HOOK1: variants seen among roughly 807,000 people sequenced by gnomAD.
HOOK1 encodes the protein hook microtubule tethering protein 1.
Under a neutral mutation model 112.8 loss-of-function variants are expected in HOOK1, and 60 were observed. That is an observed-to-expected ratio of 0.53 (90% CI 0.43 to 0.66). The LOEUF (loss-of-function observed/expected upper bound fraction) is 0.66. HOOK1 is among the 30% of genes least tolerant of loss of function. The pLI is 0.00. For synonymous variants in HOOK1, 294 were observed against 283.8 expected (o/e 1.04, Z -0.36); for missense variants, 770 against 856.0 (o/e 0.90, Z 1.25).
chr1:59,820,774 C>A (rs1042754711), intron 1 of HOOK1, among the ~76,000 whole-genome samples: 5 of 152,184 alleles, frequency 3.3e-5, no homozygotes, highest in Non-Finnish European at 7.3e-5. Context: ...TAACTTTTGA[C>A]TGAAGCTTTA....
Position 59,874,054 on chromosome 1 carries a change from T to C in HOOK1, c.*1089T>C, listed in dbSNP as rs1416261090. The stretch of plus-strand genomic sequence containing the variant: ...AACTTTTGGGGTCATTTTTAAAAGT[T>C]AGCACTTTTGAATTTTAGTTGTGTT... On this transcript the variant is annotated 3_prime_UTR_variant, in exon 22 of 22. Transcript: ENST00000371208. The C allele has an allele frequency of 6.6e-6, 1 of 152,022 alleles. No homozygotes were observed. The highest frequency in any genetic ancestry group is 1.5e-5 in the Non-Finnish European group (1 of 67,962). The allele number at this position is 152,022 out of a possible 1,614,324, so 9.4% of individuals were successfully genotyped here.
chr1:59,825,363 C>T (rs890143385), intron 2 of HOOK1, among the ~76,000 whole-genome samples: 2 of 152,100 alleles, frequency 1.3e-5, no homozygotes, highest in Admixed American at 1.3e-4. Flanking sequence ...TTGTCTTTGA[C>T]TAAACTTTTT....
rs1268682925 is a variant in HOOK1, at chr1:59,828,821, A to C, written c.191A>C (p.Lys64Thr). 1 of 1,613,458 alleles carries C rather than the reference A, an allele frequency of 6.2e-7. No homozygotes were observed. Among genetic ancestry groups the C allele is most frequent in the South Asian group, 1.1e-5 (1 of 90,990 alleles). The part of the protein sequence containing the change: ...WFNESWLSRI[K>T]EDVGDNWRIK... ...AACGAATCTTGGTTAAGCCGAATTA[A>C]AGAGGATGTTGGGGACAACTGGAGA... The change falls in exon 3 of 22, where the codon AAA becomes ACA. Residue 64 changes from lysine to threonine, a missense_variant. Physicochemically the swap from Lys to Thr is moderately conservative, Grantham distance 78. Coordinates refer to ENST00000371208, the MANE Select transcript of HOOK1 (RefSeq NM_015888.6).
At position 59,833,539 on chromosome 1, in the gene HOOK1, T is replaced by C; in HGVS notation, c.406+2T>C. The C allele has an allele frequency of 1.3e-6, 2 of 1,534,212 alleles. No homozygotes were observed. The highest frequency in any genetic ancestry group is 1.8e-6 in the Non-Finnish European group (2 of 1,131,912). ...CGATCAACTGTGAAAAGAAGCAAGG[T>C]AAGTGAATTTCAATCATTTGAGGAT... On this transcript the variant is annotated splice_donor_variant, in intron 5 of 21. Transcript: ENST00000371208. LOFTEE classifies it high-confidence loss of function.
chr1:59,855,891 A>G (rs1411862849), intron 12 of HOOK1, among the ~76,000 whole-genome samples: 1 of 143,260 alleles, frequency 7.0e-6, no homozygotes, highest in Non-Finnish European at 1.5e-5. Context: ...TTCTTGCCTC[A>G]GTCTCCCTAG....
intron 9 of HOOK1, among the ~76,000 whole-genome samples, chr1:59,845,138 G>T: frequency 6.6e-6 from 1 of 151,834 alleles, no homozygotes; most frequent in East Asian, 1.9e-4. Context: ...TCTGTTTGAG[G>T]GATAGCTCTC....
In HOOK1 at chr1:59,875,863, AAGTG is replaced by A. The variant is rs1462471633; in HGVS notation, c.*2902_*2905del. ...AATGACATCTTTTTTAGAAATATTA[AAGTG>A]AGTATTCCTCATTATGTCATCATTT... On this transcript the variant is annotated 3_prime_UTR_variant, in exon 22 of 22. Coordinates refer to ENST00000371208, the MANE Select transcript of HOOK1 (RefSeq NM_015888.6). 3.3e-5 allele frequency: 5 copies of A among 152,276 alleles called. No homozygotes were observed. Among genetic ancestry groups the A allele is most frequent in the Non-Finnish European group, 7.4e-5 (5 of 68,024 alleles). 9.4% of individuals were successfully genotyped at this position (152,276 alleles called of 1,614,324 possible). A position where few individuals can be genotyped will look rare whatever the true frequency, so the allele number is the denominator to read the frequency against.
At chr1:59,867,547 A>C (rs1397793981) in intron 19 of HOOK1, among the ~76,000 whole-genome samples, 1 of 152,182 alleles carries the variant, frequency 6.6e-6, no homozygotes, top group Non-Finnish European at 1.5e-5. Context: ...TACATCATGC[A>C]GATGTCCCTG....
At position 59,864,914 on chromosome 1, in the gene HOOK1, G is replaced by T. The variant is rs138221625; in HGVS notation, c.1661+248G>T. 7 of 566,318 alleles carry T rather than the reference G, an allele frequency of 1.2e-5. No individual in the cohort carries two copies. In the East Asian group the frequency reaches 2.0e-4, roughly 16 times the overall value. The allele number at this position is 566,318 out of a possible 1,614,324, so 35.1% of individuals were successfully genotyped here. On this transcript the variant is annotated intron_variant, in intron 17 of 21. Coordinates refer to ENST00000371208, the MANE Select transcript of HOOK1 (RefSeq NM_015888.6). ...AAAAACAGATTAACTATCACAACTA[G>T]ATTATATGGGATGTTAAACCTATAA...
intron 2 of HOOK1, among the ~76,000 whole-genome samples, chr1:59,825,981 A>G (rs779766203): frequency 8.5e-5 from 13 of 152,160 alleles, no homozygotes; most frequent in Non-Finnish European, 1.6e-4. Flanking sequence ...AATATAGACC[A>G]CAGTTTAATG....
At chr1:59,870,512 A>G (rs1012305553) in intron 20 of HOOK1, among the ~76,000 whole-genome samples, 6 of 152,198 alleles carry the variant, frequency 3.9e-5, no homozygotes, top group Non-Finnish European at 7.3e-5. Flanking sequence ...AAACCAAACT[A>G]TATCTGGTAC....
chr1:59,861,444 T>C (rs1285098662), intron 15 of HOOK1, among the ~76,000 whole-genome samples: 1 of 152,224 alleles, frequency 6.6e-6, no homozygotes, highest in Non-Finnish European at 1.5e-5. Flanking sequence ...TTAGGAAGAC[T>C]GCAGATAATG....
intron 2 of HOOK1, among the ~76,000 whole-genome samples, chr1:59,824,300 C>G (rs993667931): frequency 3.3e-5 from 5 of 151,938 alleles, no homozygotes; most frequent in African/African-American, 1.2e-4. Flanking sequence ...CTCCGCCTAC[C>G]GGGTTCAAGT....
Position 59,862,836 on chromosome 1 carries a change from A to G in HOOK1, c.1585A>G (p.Lys529Glu). Residue 529 changes from lysine to glutamate, a missense_variant, in exon 16 of 22, where the codon AAA becomes GAA. Lys to Glu is a moderately conservative substitution (Grantham distance 56, BLOSUM62 1). Coordinates refer to ENST00000371208, the MANE Select transcript of HOOK1 (RefSeq NM_015888.6). ...GCAGCAGCAGATTGAGGACCTCCAG[A>G]AATCTTTACAGGAACAAGGTTCCAA... ...ELQQQIEDLQ[K>E]SLQEQGSKSE... 1 of 1,612,324 alleles carries G rather than the reference A, an allele frequency of 6.2e-7. No individual in the cohort carries two copies. The highest frequency in any genetic ancestry group is 8.5e-7 in the Non-Finnish European group (1 of 1,178,462).
chr1:59,845,678 T>A (rs1009639311), intron 9 of HOOK1, among the ~76,000 whole-genome samples: 3 of 151,934 alleles, frequency 2.0e-5, no homozygotes, highest in Admixed American at 2.0e-4. Flanking sequence ...TGTAATATAT[T>A]GATTGATTTT....
Position 59,840,312 on chromosome 1 carries a change from A to T in HOOK1, c.542A>T (p.Lys181Ile), listed in dbSNP as rs941653445. The T allele has an allele frequency of 6.4e-7, 1 of 1,570,950 alleles. No individual in the cohort carries two copies. Among genetic ancestry groups the T allele is most frequent in the Non-Finnish European group, 8.6e-7 (1 of 1,162,608 alleles). Residue 181 changes from lysine to isoleucine, a missense_variant, in exon 8 of 22, where the codon AAA (lysine) becomes ATA (isoleucine). Transcript: ENST00000371208. ...TTAGGACATTTTGTATTTCAGCTTA[A>T]AAGAGCCTTGGAAGAACTTCAGGAA... ...DAVGELEQQL[K>I]RALEELQEAL...
chr1:59,833,702 A>G (rs905370762), intron 5 of HOOK1, among the ~76,000 whole-genome samples, 165 bp downstream of exon 5: 1 of 152,140 alleles, frequency 6.6e-6, no homozygotes, highest in Non-Finnish European at 1.5e-5. Context: ...AAAGTGGCAT[A>G]CCTTGAGTGT....
chr1:59,836,911 T>A lies in HOOK1; in HGVS notation c.513T>A (p.Asp171Glu). 6.3e-7 allele frequency: 1 copy of A among 1,597,258 alleles called. No individual in the cohort carries two copies. The highest frequency in any genetic ancestry group is 8.6e-7 in the Non-Finnish European group (1 of 1,168,012). Residue 171 changes from aspartate (D) to glutamate (E), a missense_variant, in exon 7 of 22, where the codon GAT becomes GAA. Coordinates refer to ENST00000371208, the MANE Select transcript of HOOK1 (RefSeq NM_015888.6). Reference sequence around the variant, plus strand: ...AAATATTGAGCTCTCCTCCAAATGATGCTGTTGGAGAATTGGAGCAACAGG... The same window carrying A: ...AAATATTGAGCTCTCCTCCAAATGAAGCTGTTGGAGAATTGGAGCAACAGG... ...SKEILSSPPN[D>E]AVGELEQQLK... is the part of the protein sequence containing the mutation.
rs1171750255 is a variant in HOOK1, at chr1:59,815,067, G to C, written c.-51G>C. On this transcript the variant is annotated 5_prime_UTR_variant, in exon 1 of 22. Coordinates refer to ENST00000371208, the MANE Select transcript of HOOK1 (RefSeq NM_015888.6). Reference sequence around the variant, plus strand: ...GACGCCGGCTCCTGGAGGAGAGCCGGTAGGAGGGAGTGTGAAGGTGTCCGC... The same window carrying C: ...GACGCCGGCTCCTGGAGGAGAGCCGCTAGGAGGGAGTGTGAAGGTGTCCGC... The C allele has an allele frequency of 3.6e-6, 5 of 1,370,874 alleles. No individual in the cohort carries two copies. In the East Asian group the frequency reaches 1.1e-4, roughly 31 times the overall value. 84.9% of individuals were successfully genotyped at this position (1,370,874 alleles called of 1,614,324 possible). A position where few individuals can be genotyped will look rare whatever the true frequency, so the allele number is the denominator to read the frequency against.
Sources: allele counts gnomAD v4.1 joint callset (sites outside exome capture counted in the v4.1 genomes callset), GRCh38; gene constraint gnomAD v4.1.1; transcripts MANE v1.5; gene names NCBI Gene and HGNC (gene_info 2026-07-23, HGNC 2026-07-21).